The following COL14A1 variants were observed in gnomAD, a reference collection of about 807,000 sequenced individuals.
COL14A1 encodes the protein collagen type XIV alpha 1 chain, also known as collagen alpha-1(XIV) chain.
A neutral mutation model predicts 230.3 loss-of-function variants in COL14A1; 136 were observed. That is an observed-to-expected ratio of 0.59 (90% CI 0.51 to 0.68). The LOEUF is 0.68. Ranked by LOEUF, COL14A1 falls within the 30% of genes least tolerant of loss-of-function variation. COL14A1 has a pLI of 0.00. For missense variants in COL14A1, 1,976 were observed against 2,215.8 expected, an observed-to-expected ratio of 0.89 and a Z score of 2.17; for synonymous variants, 792 against 784.1, an observed-to-expected ratio of 1.01 and a Z score of -0.17.
At chr8:120,137,906 C>G (rs531945749) in intron 1 of COL14A1, among the ~76,000 whole-genome samples, 2 of 151,868 alleles carry the variant, frequency 1.3e-5, no homozygotes, top group Non-Finnish European at 2.9e-5. Context: ...CCATACCCAG[C>G]CTATTATTCA....
intron 34 of COL14A1, among the ~76,000 whole-genome samples, chr8:120,290,930 A>C (rs1820356592): frequency 6.6e-6 from 1 of 152,246 alleles, no homozygotes; most frequent in African/African-American, 2.4e-5. Context: ...CAGTTGAAGT[A>C]TCTTTAAAAG....
At chr8:120,164,713 G>A (rs964048681) in intron 4 of COL14A1, among the ~76,000 whole-genome samples, 1 of 152,132 alleles carries the variant, frequency 6.6e-6, no homozygotes, top group Non-Finnish European at 1.5e-5. Flanking sequence ...AGGTTTTTAT[G>A]TTAATTTTGG....
rs760263851 is a variant in COL14A1 at position 120,270,144 on chromosome 8, C to T, written c.3183C>T (p.Ala1061=). The T allele has an allele frequency of 4.3e-6, 7 of 1,610,530 alleles. No homozygotes were observed. Among genetic ancestry groups the T allele is most frequent in the African/African-American group, 1.3e-5 (1 of 74,608 alleles). ...IISFLYSTVG[A]LNKIGTDGTQ... The stretch of plus-strand genomic sequence containing the variant: ...GCTTTCTATACAGCACTGTTGGAGC[C>T]CTGAACAAGATTGGCACAGATGGAA... The change falls in exon 26 of 48, where the codon GCC becomes GCT. Residue 1061 remains alanine, a synonymous_variant. Coordinates refer to ENST00000297848, the MANE Select transcript of COL14A1 (RefSeq NM_021110.4).
rs554821893 is a variant in COL14A1, at chr8:120,284,934, G to A, written c.3968-927G>A. On this transcript the variant is annotated intron_variant, in intron 32 of 47. Transcript: ENST00000297848. ...TTTATTCTATTTGCTATTGAACAAA[G>A]GCATTTAAAAAAAAATTCCATAGGG... is the stretch of plus-strand genomic sequence containing the variant. Among the ~76,000 whole-genome samples the A allele has an allele frequency of 2.0e-5, 3 of 151,974 alleles. No individual in the cohort carries two copies. The East Asian group carries it at 5.8e-4, about 29-fold the overall frequency.
intron 5 of COL14A1, among the ~76,000 whole-genome samples, chr8:120,173,619 C>T (rs60282556): frequency 4.5e-4 from 46 of 102,676 alleles, no homozygotes; most frequent in African/African-American, 1.8e-3. Context: ...TGTTATCTAT[C>T]ATCCATCTAT....
At chr8:120,168,912 G>T (rs1375439241) in intron 5 of COL14A1, among the ~76,000 whole-genome samples, 1 of 152,080 alleles carries the variant, frequency 6.6e-6, no homozygotes, top group African/African-American at 2.4e-5. Context: ...CTAGAATTTA[G>T]TGTCACAATC....
intron 40 of COL14A1, among the ~76,000 whole-genome samples, chr8:120,331,679 A>C (rs915875147): frequency 6.6e-6 from 1 of 152,082 alleles, no homozygotes; most frequent in Non-Finnish European, 1.5e-5. Context: ...AATCCTCCCA[A>C]ATCTCCTCCA....
intron 36 of COL14A1, among the ~76,000 whole-genome samples, chr8:120,301,840 T>C (rs1399836812): frequency 6.6e-6 from 1 of 152,206 alleles, no homozygotes. Context: ...AAGTGTTCCC[T>C]TTTCTCTGTA....
intron 45 of COL14A1, among the ~76,000 whole-genome samples, chr8:120,353,794 A>G (rs1044927646): frequency 4.6e-4 from 70 of 151,844 alleles, no homozygotes; most frequent in Admixed American, 1.8e-3. Flanking sequence ...CTGTTGGTGG[A>G]ACTGTAAACT....
intron 38 of COL14A1, 61 bp from the exon 39 acceptor site, chr8:120,315,472 A>C: frequency 3.6e-6 from 5 of 1,370,486 alleles, no homozygotes; most frequent in Non-Finnish European, 5.1e-6. Flanking sequence ...TGAGAGAAGG[A>C]AAAGAAAACG....
chr8:120,241,078 C>T lies in COL14A1; in HGVS notation c.2350-2801C>T, dbSNP rs538480753. On this transcript the variant is annotated intron_variant, in intron 19 of 47. Coordinates refer to ENST00000297848, the MANE Select transcript of COL14A1 (RefSeq NM_021110.4). The stretch of plus-strand genomic sequence containing the variant: ...ACATGAATTCTGGGTTGCAAGAATA[C>T]GTCTAGAGTAAGAATACTCAAAGTG... Among the ~76,000 whole-genome samples, 6 of 152,260 alleles carry T rather than the reference C, an allele frequency of 3.9e-5. No individual in the cohort carries two copies. The East Asian group carries it at 7.7e-4, about 20-fold the overall frequency.
chr8:120,233,648 G>A (rs774110677), intron 19 of COL14A1, among the ~76,000 whole-genome samples: 1 of 152,078 alleles, frequency 6.6e-6, no homozygotes, highest in Non-Finnish European at 1.5e-5. Flanking sequence ...TGTCATTTCT[G>A]AGGTCTCTGT....
At chr8:120,228,649 C>A in intron 17 of COL14A1, 61 bp from the exon 18 acceptor site, 1 of 1,272,992 alleles carries the variant, frequency 7.9e-7, no homozygotes, top group Non-Finnish European at 1.1e-6. Context: ...AAAGCTACAA[C>A]ATGCTATAGA....
chr8:120,244,924 T>C (rs1818717475), intron 20 of COL14A1, among the ~76,000 whole-genome samples: 1 of 152,162 alleles, frequency 6.6e-6, no homozygotes, highest in South Asian at 2.1e-4. Flanking sequence ...CTTCCGTGCC[T>C]TACAAAGATC....
chr8:120,215,177 C>CT (rs766669675), intron 13 of COL14A1, among the ~76,000 whole-genome samples: 1 of 152,216 alleles, frequency 6.6e-6, no homozygotes, highest in African/African-American at 2.4e-5. Context: ...CAAGACCAGC[C>CT]TGGCCAACAT....
intron 5 of COL14A1, among the ~76,000 whole-genome samples, chr8:120,195,493 G>A (rs553690817): frequency 5.9e-5 from 9 of 152,042 alleles, no homozygotes; most frequent in South Asian, 2.1e-4. Flanking sequence ...TGTTGCGATC[G>A]GTACTAAAAG....
chr8:120,230,889 G>C (rs1818246714), intron 18 of COL14A1, among the ~76,000 whole-genome samples: 1 of 152,200 alleles, frequency 6.6e-6, no homozygotes, highest in Admixed American at 6.5e-5. Context: ...AGATGAGCAC[G>C]AATGTGCCAG....
Position 120,227,242 on chromosome 8 carries a change from ACT to A in COL14A1, c.2029_2030del (p.Ser677ThrfsTer4), listed in dbSNP as rs771859799. ...CAGGTTGTCCTGAAAGAAGAGCAGG[ACT>A]CACATGTTATTGAAGGCCTGGAGCC... On this transcript the variant is annotated frameshift_variant, in exon 17 of 48. Coordinates refer to ENST00000297848, the MANE Select transcript of COL14A1 (RefSeq NM_021110.4). LOFTEE classifies it high-confidence loss of function. The A allele has an allele frequency of 6.2e-7, 1 of 1,613,954 alleles. No individual in the cohort carries two copies. Among genetic ancestry groups the A allele is most frequent in the African/African-American group, 1.3e-5 (1 of 75,008 alleles).
chr8:120,326,297 G>A (rs531953312), intron 40 of COL14A1, among the ~76,000 whole-genome samples: 6 of 152,178 alleles, frequency 3.9e-5, no homozygotes, highest in East Asian at 1.9e-4. Context: ...AGATGTACCC[G>A]TTGGAACTCT....
Sources: allele counts gnomAD v4.1 joint callset (sites outside exome capture counted in the v4.1 genomes callset), GRCh38; gene constraint gnomAD v4.1.1; transcripts MANE v1.5; gene names NCBI Gene and HGNC (gene_info 2026-07-23, HGNC 2026-07-21).